The following GHRL variants were observed in gnomAD, a reference collection of about 807,000 sequenced individuals.
The protein encoded by GHRL is ghrelin and obestatin prepropeptide, also known as appetite-regulating hormone.
Under a neutral mutation model 16.9 loss-of-function variants are expected in GHRL, and 24 were observed. That is an observed-to-expected ratio of 1.42 (90% CI 1.03 to 2.00). GHRL has a LOEUF of 2.00. Among genes scored for constraint, GHRL ranks in the 30% most tolerant of loss-of-function variants. The pLI, the probability that GHRL is intolerant of heterozygous loss-of-function variation, is 0.00. For missense variants in GHRL, 193 were observed against 142.1 expected (o/e 1.36, Z -1.82); for synonymous variants, 63 against 58.2 (o/e 1.08, Z -0.37).
At chr3:10,287,577 T>TGGGCACTGACTCA (rs1699265915) in intron 4 of GHRL, 1 of 153,782 alleles carries the variant, frequency 6.5e-6, no homozygotes, top group Admixed American at 6.5e-5. Context: ...CTGGCCATAT[T>TGGGCACTGACTCA]GGGCACTGAC....
chr3:10,289,366 G>T (rs530719925), intron 4 of GHRL, among the ~76,000 whole-genome samples: 1 of 152,260 alleles, frequency 6.6e-6, no homozygotes, highest in African/African-American at 2.4e-5. Flanking sequence ...CCACCCCACA[G>T]TCCAGGCCCT....
intron 1 of GHRL, 192 bp downstream of exon 1, chr3:10,292,650 C>T: frequency 1.8e-6 from 1 of 558,540 alleles, no homozygotes; most frequent in Non-Finnish European, 3.1e-6. Flanking sequence ...TGTCTGCCAC[C>T]TGAGTGTAGA....
rs984664087 is a variant in GHRL at position 10,290,955 on chromosome 3, G to A, written c.-269C>T. ...GAAGCATGTGCTCCAGCTGTCCCTG[G>A]AACACGGTGGCGGGGTGCCCCAAGT... On this transcript the variant is annotated 5_prime_UTR_variant, in exon 2 of 6. Coordinates refer to ENST00000335542, the MANE Select transcript of GHRL (RefSeq NM_016362.5). The A allele has an allele frequency of 1.0e-6, 1 of 985,824 alleles. No individual in the cohort carries two copies. Among genetic ancestry groups the A allele is most frequent in the Non-Finnish European group, 1.2e-6 (1 of 830,140 alleles). The allele number at this position is 985,824 out of a possible 1,614,324, so 61.1% of individuals were successfully genotyped here.
intron 4 of GHRL, among the ~76,000 whole-genome samples, chr3:10,288,633 A>G (rs1354909285): frequency 4.6e-5 from 7 of 152,198 alleles, no homozygotes; most frequent in Non-Finnish European, 5.9e-5. Context: ...TGTAGAGGAA[A>G]GGTCTGAACA....
chr3:10,290,597 G>A (rs980426386), intron 2 of GHRL, 119 bp downstream of exon 2: 1 of 343,354 alleles, frequency 2.9e-6, no homozygotes, highest in Non-Finnish European at 4.5e-6. Flanking sequence ...CAGCCAGACA[G>A]TCCGACATCC....
chr3:10,290,004 C>T (rs1160214178), intron 3 of GHRL, 69 bp downstream of exon 3: 7 of 1,576,544 alleles, frequency 4.4e-6, no homozygotes, highest in African/African-American at 4.0e-5. Context: ...GCTGCTGCTC[C>T]AGGTCACAGA....
chr3:10,287,913 AATTTTTTTT>A (rs1156919795), intron 4 of GHRL: 10 of 87,952 alleles, frequency 1.1e-4, no homozygotes, highest in South Asian at 7.8e-4. Flanking sequence ...GACATGATTG[AATTTTTTTT>A]TTTTTTTTTT....
chr3:10,290,666 C>T (rs1465673539), intron 2 of GHRL, 50 bp downstream of exon 2: 6 of 961,406 alleles, frequency 6.2e-6, no homozygotes, highest in Non-Finnish European at 7.5e-6. Flanking sequence ...GCAGCAGTCA[C>T]GGACAATAAA....
intron 1 of GHRL, 29 bp from the exon 2 acceptor site, chr3:10,291,480 G>T (rs190663799): frequency 2.0e-6 from 2 of 984,900 alleles, no homozygotes; most frequent in Non-Finnish European, 1.2e-6. Context: ...CGCTTAGCAC[G>T]GGCCTGGCTC....
chr3:10,289,523 C>G (rs1185962026), intron 4 of GHRL, among the ~76,000 whole-genome samples: 1 of 152,254 alleles, frequency 6.6e-6, no homozygotes, highest in African/African-American at 2.4e-5. Flanking sequence ...CTCTCCTCTG[C>G]CCAGGCTCCT....
In GHRL at chr3:10,285,930, C is replaced by T. The variant is rs370534599; in HGVS notation, c.335-36G>A. On this transcript the variant is annotated intron_variant, in intron 5 of 5. Coordinates refer to ENST00000335542, the MANE Select transcript of GHRL (RefSeq NM_016362.5). ...AGAGGTTGAGTAAGAATGCTGGGTG[C>T]ACCGTCCTGCTAGTGCTTTTCTTCC... 6.3e-6 allele frequency: 10 copies of T among 1,598,060 alleles called. No individual in the cohort carries two copies. The East Asian group carries it at 1.1e-4, about 18-fold the overall frequency.
At chr3:10,290,471 T>C (rs1203805905) in intron 2 of GHRL, 4 of 390,034 alleles carry the variant, frequency 1.0e-5, no homozygotes, top group East Asian at 9.0e-5. Context: ...TGTCCCAGGC[T>C]CTGAGAGCTC....
Position 10,292,856 on chromosome 3 carries a change from C to T in GHRL, c.-780G>A, listed in dbSNP as rs1227840378. ...CCTCCACTTACCTGGACCCTGGAGG[C>T]CTCTCCGGGCACAGCTGCCAATGTT... On this transcript the variant is annotated 5_prime_UTR_variant, in exon 1 of 6. Transcript: ENST00000335542. 2 of 1,544,244 alleles carry T rather than the reference C, an allele frequency of 1.3e-6. No individual in the cohort carries two copies. The highest frequency in any genetic ancestry group is 1.7e-4 in the Middle Eastern group (1 of 5,970).
intron 4 of GHRL, among the ~76,000 whole-genome samples, chr3:10,288,492 C>T (rs1392205214): frequency 6.6e-6 from 1 of 152,260 alleles, no homozygotes; most frequent in African/African-American, 2.4e-5. Context: ...ACCTCTTTCT[C>T]ATCTGGGTAC....
At position 10,290,055 on chromosome 3, in the gene GHRL, T is replaced by C. The variant is rs1372491224; in HGVS notation, c.108+18A>G. 1 of 1,610,324 alleles carries C rather than the reference T, an allele frequency of 6.2e-7. No individual in the cohort carries two copies. Among genetic ancestry groups the C allele is most frequent in the African/African-American group, 1.3e-5 (1 of 74,868 alleles). Reference sequence around the variant, plus strand: ...GCAGGGCTGGAACAACATGTGGGGCTTTGTGGGGAGGTCTCACCTGGACTC... The same window carrying C: ...GCAGGGCTGGAACAACATGTGGGGCCTTGTGGGGAGGTCTCACCTGGACTC... On this transcript the variant is annotated intron_variant, in intron 3 of 5. Coordinates refer to ENST00000335542, the MANE Select transcript of GHRL (RefSeq NM_016362.5).
chr3:10,291,169 C>T lies in GHRL; in HGVS notation c.-483G>A, dbSNP rs951422584. On this transcript the variant is annotated 5_prime_UTR_variant, in exon 2 of 6. Transcript: ENST00000335542. Reference sequence around the variant, plus strand: ...TTCCCATGTGCTGTTGCTGCTCTGGCCTCTGTGAGCCCCGGGAGTCCGCAG... The same window carrying T: ...TTCCCATGTGCTGTTGCTGCTCTGGTCTCTGTGAGCCCCGGGAGTCCGCAG... 5.1e-6 allele frequency: 5 copies of T among 985,586 alleles called. No homozygotes were observed. The highest frequency in any genetic ancestry group is 1.2e-4 in the Admixed American group (2 of 16,274). 61.1% of individuals were successfully genotyped at this position (985,586 alleles called of 1,614,324 possible). A position where few individuals can be genotyped will look rare whatever the true frequency, so the allele number is the denominator to read the frequency against.
intron 2 of GHRL, 138 bp downstream of exon 2, chr3:10,290,578 T>C (rs1699851372): frequency 3.3e-6 from 1 of 299,616 alleles, no homozygotes; most frequent in Non-Finnish European, 5.5e-6. Context: ...TAAATGAAGC[T>C]CTGTCTTCCA....
Position 10,291,079 on chromosome 3 carries a change from T to A in GHRL, c.-393A>T, listed in dbSNP as rs558412440. ...CCTTAGCTTACTCGCCCTTTCTCCC[T>A]GGGTAAAATGAGGCTGTCATCACTA... On this transcript the variant is annotated 5_prime_UTR_variant, in exon 2 of 6. Transcript: ENST00000335542. The A allele has an allele frequency of 1.0e-6, 1 of 985,550 alleles. No individual in the cohort carries two copies. The highest frequency in any genetic ancestry group is 1.7e-5 in the African/African-American group (1 of 57,250). 61.1% of individuals were successfully genotyped at this position (985,550 alleles called of 1,614,324 possible). A position where few individuals can be genotyped will look rare whatever the true frequency, so the allele number is the denominator to read the frequency against.
intron 4 of GHRL, among the ~76,000 whole-genome samples, chr3:10,287,762 C>T (rs1699289137): frequency 6.6e-6 from 1 of 152,172 alleles, no homozygotes; most frequent in Non-Finnish European, 1.5e-5. Flanking sequence ...CAGTGCCTCC[C>T]TGTGGGGTAG....
Sources: gnomAD v4.1 joint callset for allele counts (sites outside exome capture counted in the v4.1 genomes callset) on GRCh38, gnomAD v4.1.1 for gene constraint, MANE v1.5 for transcripts, NCBI Gene and HGNC (gene_info 2026-07-23, HGNC 2026-07-21) for gene names.